NRG1: variants seen among roughly 807,000 people sequenced by gnomAD.
NRG1 encodes pro-neuregulin-1, membrane-bound isoform.
Under a neutral mutation model 63.8 loss-of-function variants are expected in NRG1, and 18 were observed. The observed-to-expected ratio is 0.28, with a 90% CI of 0.19 to 0.42. The LOEUF (loss-of-function observed/expected upper bound fraction) is 0.42. Among genes scored for constraint, NRG1 ranks in the 10% least tolerant of loss-of-function variants. The pLI is 1.00. For synonymous variants in NRG1, 302 were observed against 301.3 expected (o/e 1.00, Z -0.02); for missense variants, 762 against 814.7 (o/e 0.94, Z 0.79).
chr8:32,352,848 A>G (rs951650535), intron 1 of NRG1, among the ~76,000 whole-genome samples: 4 of 151,830 alleles, frequency 2.6e-5, no homozygotes, highest in Admixed American at 6.6e-5. Context: ...ACTGTGCTCC[A>G]TCTTGGGTGA....
intron 1 of NRG1, among the ~76,000 whole-genome samples, chr8:31,829,138 C>A (rs145030392): frequency 0.02 from 3,054 of 152,318 alleles, 46 homozygotes; most frequent in Middle Eastern, 0.061. Flanking sequence ...TCTCTCAGAT[C>A]TGAGCAGGTT....
chr8:32,089,244 A>C (rs568101522), intron 1 of NRG1, among the ~76,000 whole-genome samples: 39 of 152,306 alleles, frequency 2.6e-4, no homozygotes, highest in African/African-American at 8.9e-4. Flanking sequence ...TGCTATTTTC[A>C]TCTTGGGTGT....
At chr8:32,490,554 C>A (rs571661881) in intron 1 of NRG1, among the ~76,000 whole-genome samples, 58 of 152,182 alleles carry the variant, frequency 3.8e-4, no homozygotes, top group Admixed American at 1.0e-3. Flanking sequence ...AGCTATGAAG[C>A]ATTCTATTGG....
At chr8:32,605,020 C>A (rs1348779194) in intron 2 of NRG1, among the ~76,000 whole-genome samples, 1 of 152,120 alleles carries the variant, frequency 6.6e-6, no homozygotes, top group Non-Finnish European at 1.5e-5. Context: ...AAGAAAAATT[C>A]CCTTCCTTTT....
chr8:32,621,810 T>C (rs1848389753), intron 5 of NRG1, among the ~76,000 whole-genome samples: 2 of 152,314 alleles, frequency 1.3e-5, no homozygotes, highest in Admixed American at 6.5e-5. Flanking sequence ...CTGATACATG[T>C]TGTCCAAAGT....
chr8:32,510,719 G>A (rs1373404501), intron 1 of NRG1, among the ~76,000 whole-genome samples: 4 of 151,964 alleles, frequency 2.6e-5, no homozygotes, highest in Non-Finnish European at 5.9e-5. Flanking sequence ...GAAGCCTCAG[G>A]GCCACCGCAC....
chr8:32,038,737 G>T lies in NRG1; in HGVS notation c.37+399306G>T, dbSNP rs189528671. Among the ~76,000 whole-genome samples the T allele has an allele frequency of 2.0e-5, 3 of 152,062 alleles. No homozygotes were observed. In the South Asian group the frequency reaches 6.2e-4, roughly 32 times the overall value. ...CGTATTGCTGTTACTAAGACTGGGGGCTGTGAGAGGGCTTGGTGTTCCCCC... is the reference window on the plus strand; with the variant it reads ...CGTATTGCTGTTACTAAGACTGGGGTCTGTGAGAGGGCTTGGTGTTCCCCC... On this transcript the variant is annotated intron_variant, in intron 1 of 10. Transcript: ENST00000519301.
intron 1 of NRG1, among the ~76,000 whole-genome samples, chr8:32,458,695 C>A (rs1012892531): frequency 1.3e-5 from 2 of 152,114 alleles, no homozygotes; most frequent in Non-Finnish European, 2.9e-5. Context: ...CTTCTCCCAG[C>A]AGTTATCTAT....
chr8:32,731,642 A>T (rs1192704856), intron 6 of NRG1, among the ~76,000 whole-genome samples: 1 of 152,194 alleles, frequency 6.6e-6, no homozygotes, highest in African/African-American at 2.4e-5. Context: ...TTATTTTTTT[A>T]AATCCTGTAT....
At chr8:32,681,407 T>A (rs1282573223) in intron 5 of NRG1, among the ~76,000 whole-genome samples, 1 of 152,138 alleles carries the variant, frequency 6.6e-6, no homozygotes, top group Admixed American at 6.5e-5. Flanking sequence ...AGGCAGAAAT[T>A]CATTATTCTT....
intron 1 of NRG1, among the ~76,000 whole-genome samples, chr8:32,568,251 T>C (rs1053167906): frequency 2.6e-4 from 39 of 152,208 alleles, no homozygotes; most frequent in African/African-American, 8.9e-4. Flanking sequence ...CTCGTTTCAA[T>C]ATTGAAGTTT....
intron 1 of NRG1, among the ~76,000 whole-genome samples, chr8:32,380,997 C>T (rs571559632): frequency 8.7e-4 from 133 of 152,194 alleles, no homozygotes; most frequent in Non-Finnish European, 1.7e-3. Flanking sequence ...ATCCATGTAA[C>T]GCTAGATCTT....
chr8:31,746,992 G>T (rs1815940097), intron 1 of NRG1, among the ~76,000 whole-genome samples: 1 of 151,920 alleles, frequency 6.6e-6, no homozygotes, highest in Non-Finnish European at 1.5e-5. Context: ...AGAGTAGAAG[G>T]ATGGTTACCA....
chr8:32,548,177 G>C (rs575796966), upstream of NRG1: 1 of 969,334 alleles, frequency 1.0e-6, no homozygotes, highest in Non-Finnish European at 1.2e-6. Context: ...CCGCGCCTCG[G>C]GGTGGGGGTG....
intron 1 of NRG1, among the ~76,000 whole-genome samples, chr8:31,847,517 C>G (rs1203413503): frequency 6.6e-6 from 1 of 151,070 alleles, no homozygotes; most frequent in Non-Finnish European, 1.5e-5. Flanking sequence ...AAAAACCCTA[C>G]CTTTTCTACT....
At chr8:31,754,547 C>T (rs192410870) in intron 1 of NRG1, among the ~76,000 whole-genome samples, 46 of 152,186 alleles carry the variant, frequency 3.0e-4, no homozygotes, top group African/African-American at 1.0e-3. Flanking sequence ...ATTAAATCCC[C>T]TTCCTTCAAA....
At chr8:32,299,803 A>G (rs1331493920) in intron 1 of NRG1, among the ~76,000 whole-genome samples, 1 of 152,210 alleles carries the variant, frequency 6.6e-6, no homozygotes, top group African/African-American at 2.4e-5. Flanking sequence ...TCACGAGAAC[A>G]GGATGGGAAA....
chr8:32,011,322 G>A (rs1320084747), intron 1 of NRG1, among the ~76,000 whole-genome samples: 1 of 152,042 alleles, frequency 6.6e-6, no homozygotes, highest in African/African-American at 2.4e-5. Context: ...CAAGGTTTTA[G>A]AGCATCCTTC....
At chr8:32,573,326 A>G (rs1838990617) in intron 1 of NRG1, among the ~76,000 whole-genome samples, 1 of 152,114 alleles carries the variant, frequency 6.6e-6, no homozygotes, top group Non-Finnish European at 1.5e-5. Flanking sequence ...GCACAAAAGT[A>G]GCCACAGACA....
Sources: gnomAD v4.1 joint callset for allele counts (sites outside exome capture counted in the v4.1 genomes callset) on GRCh38, gnomAD v4.1.1 for gene constraint, MANE v1.5 for transcripts, NCBI Gene and HGNC (gene_info 2026-07-23, HGNC 2026-07-21) for gene names.